Variants in MACROD1 observed in about 807,000 individuals in gnomAD.
MACROD1 encodes mono-ADP ribosylhydrolase 1, also known as ADP-ribose glycohydrolase MACROD1.
Under a neutral mutation model 41.4 loss-of-function variants are expected in MACROD1, and 31 were observed. The ratio of observed to expected loss-of-function variants is 0.75; its 90% CI spans 0.56 to 1.01. The LOEUF (loss-of-function observed/expected upper bound fraction) is 1.01. Ranked by LOEUF, MACROD1 falls within the 50% of genes least tolerant of loss-of-function variation. The pLI, the probability that MACROD1 is intolerant of heterozygous loss-of-function variation, is 0.00. For missense variants in MACROD1, 473 were observed against 460.0 expected (o/e 1.03, Z -0.26); for synonymous variants, 252 against 203.4 (o/e 1.24, Z -2.03).
chr11:64,076,761 T>C (rs1944209277), intron 3 of MACROD1, among the ~76,000 whole-genome samples: 1 of 152,190 alleles, frequency 6.6e-6, no homozygotes, highest in Admixed American at 6.5e-5. Context: ...ATGTTGTTGT[T>C]GGCAGAGCTA....
intron 3 of MACROD1, chr11:64,116,666 C>A: frequency 3.1e-6 from 5 of 1,614,038 alleles, no homozygotes; most frequent in Non-Finnish European, 4.2e-6. Context: ...GGGAGCTGCA[C>A]CTGCAGGACA....
In MACROD1 at chr11:64,165,777, G is replaced by A; in HGVS notation, c.218C>T (p.Ala73Val). Residue 73 changes from alanine to valine, a missense_variant, in exon 1 of 11, where the codon GCC becomes GTC. Transcript: ENST00000255681. ...AWGAAAVGRT[A>V]GVRTWAPLAM... Reference sequence around the variant, plus strand: ...CAGGGGGGCCCAAGTGCGCACCCCGGCTGTCCGCCCCACCGCCGCCGCCCC... The same window carrying A: ...CAGGGGGGCCCAAGTGCGCACCCCGACTGTCCGCCCCACCGCCGCCGCCCC... 2 of 1,496,174 alleles carry A rather than the reference G, an allele frequency of 1.3e-6. No homozygotes were observed. Among genetic ancestry groups the A allele is most frequent in the African/African-American group, 2.9e-5 (2 of 68,574 alleles). The allele number at this position is 1,496,174 out of a possible 1,614,324, so 92.7% of individuals were successfully genotyped here. A position where few individuals can be genotyped will look rare whatever the true frequency, so the allele number is the denominator to read the frequency against.
chr11:64,162,621 T>C (rs1945773074), intron 1 of MACROD1, among the ~76,000 whole-genome samples: 1 of 151,160 alleles, frequency 6.6e-6, no homozygotes, highest in South Asian at 2.1e-4. Context: ...GAGACCATCC[T>C]GGCTAACACA....
chr11:63,999,291 C>T (rs1246039125), intron 8 of MACROD1, 40 bp downstream of exon 8: 10 of 1,541,914 alleles, frequency 6.5e-6, no homozygotes, highest in Non-Finnish European at 8.7e-6. Context: ...TCACTCTGGC[C>T]GGGATGCGGA....
At chr11:64,099,192 G>A (rs943560073) in intron 3 of MACROD1, among the ~76,000 whole-genome samples, 7 of 152,210 alleles carry the variant, frequency 4.6e-5, no homozygotes, top group Admixed American at 2.0e-4. Flanking sequence ...ACAGCACAGC[G>A]TCATCTTCTC....
intron 3 of MACROD1, 119 bp from the exon 4 acceptor site, chr11:64,015,400 G>T (rs930895865): frequency 3.4e-5 from 30 of 877,496 alleles, no homozygotes; most frequent in Non-Finnish European, 4.9e-5. Flanking sequence ...TTCAGACTTG[G>T]GCACAGGGTC....
At chr11:64,022,966 AT>A (rs1943178077) in intron 3 of MACROD1, among the ~76,000 whole-genome samples, 1 of 147,118 alleles carries the variant, frequency 6.8e-6, no homozygotes, top group Admixed American at 6.9e-5. Context: ...GGTTCAAGAG[AT>A]TCTCCTGCCT....
At chr11:64,128,519 G>C (rs1945219046) in intron 3 of MACROD1, among the ~76,000 whole-genome samples, 1 of 152,076 alleles carries the variant, frequency 6.6e-6, no homozygotes, top group African/African-American at 2.4e-5. Context: ...AGGAGGACTA[G>C]GAGGCAATGG....
chr11:64,153,417 G>A (rs55970722), intron 1 of MACROD1, among the ~76,000 whole-genome samples: 55,610 of 152,080 alleles, frequency 0.37, 12,591 homozygotes, highest in Non-Finnish European at 0.51. Flanking sequence ...AGGAGGTGGT[G>A]AGAAAGGAAG....
chr11:64,147,741 TTATA>T (rs34623205), intron 3 of MACROD1, among the ~76,000 whole-genome samples: 6 of 147,614 alleles, frequency 4.1e-5, no homozygotes, highest in East Asian at 2.0e-4. Context: ...TGATGTTCTA[TTATA>T]TATATATATA....
At chr11:64,039,351 C>T (rs1943442114) in intron 3 of MACROD1, among the ~76,000 whole-genome samples, 1 of 152,134 alleles carries the variant, frequency 6.6e-6, no homozygotes, top group South Asian at 2.1e-4. Context: ...TCTGGGAGGC[C>T]CAGGCCCCAG....
At chr11:64,010,735 GTTGGTTGGGGTGTTGGCTGGCATA>G (rs1942998632) in intron 4 of MACROD1, among the ~76,000 whole-genome samples, 2 of 150,630 alleles carry the variant, frequency 1.3e-5, no homozygotes, top group Admixed American at 6.6e-5. Flanking sequence ...TGGTTGGCAT[GTTGGTTGGGGTGTTGGCTGGCATA>G]TTGGTTGGCA....
At chr11:64,056,548 G>A (rs1943789570) in intron 3 of MACROD1, among the ~76,000 whole-genome samples, 1 of 152,238 alleles carries the variant, frequency 6.6e-6, no homozygotes, top group Non-Finnish European at 1.5e-5. Context: ...ACAGCCGGGG[G>A]CCTGGCCCAA....
At chr11:64,116,197 C>CCTTGT (rs1944976154) in intron 3 of MACROD1, 1 of 1,535,120 alleles carries the variant, frequency 6.5e-7, no homozygotes, top group African/African-American at 1.4e-5. Context: ...CTCTCACTGC[C>CCTTGT]CCTGTCCTGT....
At chr11:64,060,671 C>T (rs1368532907) in intron 3 of MACROD1, 5 of 144,046 alleles carry the variant, frequency 3.5e-5, no homozygotes, top group Non-Finnish European at 3.0e-5. Context: ...GTCTGCGCTT[C>T]TCTTTAGTTC....
chr11:64,081,023 C>A (rs1210903955), intron 3 of MACROD1, among the ~76,000 whole-genome samples: 4 of 152,154 alleles, frequency 2.6e-5, no homozygotes, highest in African/African-American at 7.2e-5. Flanking sequence ...GGTTACACTT[C>A]TTATTTTATT....
chr11:64,004,603 C>T (rs879765363), intron 4 of MACROD1, among the ~76,000 whole-genome samples: 1 of 152,182 alleles, frequency 6.6e-6, no homozygotes, highest in Non-Finnish European at 1.5e-5. Context: ...CTCCTGGTCT[C>T]TCTCTGCTCC....
chr11:64,104,716 T>C (rs909661043), intron 3 of MACROD1, among the ~76,000 whole-genome samples: 3 of 152,298 alleles, frequency 2.0e-5, no homozygotes, highest in Middle Eastern at 6.8e-3. Context: ...CCTGCTCCTG[T>C]TGGCCCTTGG....
chr11:64,079,285 G>C (rs1020167637), intron 3 of MACROD1, among the ~76,000 whole-genome samples: 1 of 152,138 alleles, frequency 6.6e-6, no homozygotes, highest in Non-Finnish European at 1.5e-5. Flanking sequence ...GCTGTGTGCA[G>C]CTGGCGCTGC....
Sources: allele counts gnomAD v4.1 joint callset (sites outside exome capture counted in the v4.1 genomes callset), GRCh38; gene constraint gnomAD v4.1.1; transcripts MANE v1.5; gene names NCBI Gene and HGNC (gene_info 2026-07-23, HGNC 2026-07-21).